The following MTMR8 variants were observed in gnomAD, a reference collection of about 807,000 sequenced individuals.
The protein encoded by MTMR8 is myotubularin related protein 8.
MTMR8 carries 65 observed loss-of-function variants against 39.3 expected under a neutral mutation model. That is an observed-to-expected ratio of 1.65 (90% confidence interval 1.35 to 2.03). MTMR8 has a LOEUF of 2.03. Ranked by LOEUF, MTMR8 falls within the 30% of genes most tolerant of loss-of-function variation. MTMR8 has a pLI of 0.00. For missense variants in MTMR8, 777 were observed against 538.9 expected (o/e 1.44, Z -4.37); for synonymous variants, 245 against 185.2 (o/e 1.32, Z -2.62).
In MTMR8 at chrX:64,359,471, A is replaced by T. The variant is rs1923719577; in HGVS notation, c.81T>A (p.Ile27=). The change falls in exon 2 of 14, where the codon ATT becomes ATA. Residue 27 remains isoleucine, a synonymous_variant. Transcript: ENST00000374852. ...RYVSKKPANG[I]LYLTATHLIY... The stretch of plus-strand genomic sequence containing the variant: ...TCAGGTGGGTTGCAGTAAGATAAAG[A>T]ATCCCATTAGCTGGTTTCTTACTCA... The T allele has an allele frequency of 8.3e-7, 1 of 1,207,012 alleles. No individual in the cohort carries two copies. The highest frequency in any genetic ancestry group is 1.1e-6 in the Non-Finnish European group (1 of 893,356).
At chrX:64,321,982 AT>A (rs1922659428) in intron 12 of MTMR8, among the ~76,000 whole-genome samples, 1 of 111,042 alleles carries the variant, frequency 9.0e-6, no homozygotes, top group South Asian at 3.7e-4. Context: ...ATGTTGAGCC[AT>A]TCTTGTATCC....
chrX:64,387,866 T>A (rs1924602862), intron 1 of MTMR8, among the ~76,000 whole-genome samples: 1 of 107,678 alleles, frequency 9.3e-6, no homozygotes, highest in Admixed American at 9.9e-5. Context: ...CAGAGAAAGA[T>A]GAAAAAAGAG....
At chrX:64,341,848 T>C (rs1923227757) in intron 8 of MTMR8, among the ~76,000 whole-genome samples, 1 of 112,273 alleles carries the variant, frequency 8.9e-6, no homozygotes, top group African/African-American at 3.2e-5. Context: ...CTATGGGGAA[T>C]GTTTACATTT....
intron 10 of MTMR8, among the ~76,000 whole-genome samples, chrX:64,335,126 A>G (rs984858517): frequency 1.8e-5 from 2 of 110,705 alleles, no homozygotes; most frequent in African/African-American, 6.6e-5. Context: ...TCCTTGGGGT[A>G]AAACTCAATT....
At chrX:64,296,760 G>A (rs760243117) in intron 12 of MTMR8, among the ~76,000 whole-genome samples, 10 of 96,888 alleles carry the variant, frequency 1.0e-4, no homozygotes, top group African/African-American at 3.9e-4. Flanking sequence ...TCCCCAGAGT[G>A]TGATATTCCC....
At chrX:64,298,920 G>A (rs1290624389) in intron 12 of MTMR8, among the ~76,000 whole-genome samples, 2 of 62,502 alleles carry the variant, frequency 3.2e-5, no homozygotes, top group Non-Finnish European at 5.1e-5. Flanking sequence ...TGCATCCCAG[G>A]GATGAAGCCC....
intron 1 of MTMR8, among the ~76,000 whole-genome samples, chrX:64,361,666 A>T (rs1187065270): frequency 9.0e-6 from 1 of 111,598 alleles, no homozygotes; most frequent in Non-Finnish European, 1.9e-5. Context: ...AACAAGGAAT[A>T]AAAGTAAACG....
chrX:64,381,523 G>A (rs1176231471), intron 1 of MTMR8, among the ~76,000 whole-genome samples: 1 of 107,371 alleles, frequency 9.3e-6, no homozygotes, highest in Non-Finnish European at 1.9e-5. Context: ...CAGATGGGTA[G>A]ATTGCAAAAA....
In MTMR8 at chrX:64,306,711, T is replaced by C. The variant is rs769859454; in HGVS notation, c.1481+22061A>G. The C allele has an allele frequency of 1.5e-4, 17 of 112,874 alleles. 1 individual carries two copies. The South Asian group carries it at 6.4e-3, about 42-fold the overall frequency. 9.3% of individuals were successfully genotyped at this position (112,874 alleles called of 1,213,427 possible). A position where few individuals can be genotyped will look rare whatever the true frequency, so the allele number is the denominator to read the frequency against. Reference sequence around the variant, plus strand: ...CTTTGTTCTCAAAATTCTTGAGCCATTGGCTGTCTAGTTTTTCATTGTCCA... The same window carrying C: ...CTTTGTTCTCAAAATTCTTGAGCCACTGGCTGTCTAGTTTTTCATTGTCCA... On this transcript the variant is annotated intron_variant, in intron 12 of 13. Coordinates refer to ENST00000374852, the MANE Select transcript of MTMR8 (RefSeq NM_017677.4).
At chrX:64,365,547 G>A (rs764795853) in intron 1 of MTMR8, among the ~76,000 whole-genome samples, 27 of 111,982 alleles carry the variant, frequency 2.4e-4, no homozygotes, top group Non-Finnish European at 3.4e-4. Flanking sequence ...ATCCTTTACA[G>A]ACAAGCAAAT....
chrX:64,303,133 T>G (rs1031136089), intron 12 of MTMR8, among the ~76,000 whole-genome samples: 2 of 112,650 alleles, frequency 1.8e-5, no homozygotes, highest in Admixed American at 1.9e-4. Context: ...ATTCAGCTTT[T>G]CAGTATCTTT....
intron 1 of MTMR8, among the ~76,000 whole-genome samples, chrX:64,377,810 CT>C (rs925240901): frequency 1.8e-5 from 2 of 111,972 alleles, no homozygotes; most frequent in African/African-American, 6.5e-5. Context: ...ATGATATGGT[CT>C]GGCTCTATGT....
chrX:64,327,531 G>C (rs911991537), intron 12 of MTMR8, among the ~76,000 whole-genome samples: 1 of 112,125 alleles, frequency 8.9e-6, no homozygotes, highest in African/African-American at 3.2e-5. Flanking sequence ...AACATATCAA[G>C]TGCTGACAAG....
rs1923585874 is a variant in MTMR8 at position 64,354,947 on chromosome X, GAT to G, written c.311-15_311-14del. ...TCTTCAGGTAATGCTGGAGAAGAGA[GAT>G]AGGCATGGAAAACAAAATGATGAAT... On this transcript the variant is annotated splice_polypyrimidine_tract_variant and intron_variant, in intron 3 of 13. Transcript: ENST00000374852. 1 of 1,157,010 alleles carries G rather than the reference GAT, an allele frequency of 8.6e-7. No individual in the cohort carries two copies. The highest frequency in any genetic ancestry group is 3.1e-5 in the East Asian group (1 of 32,360).
chrX:64,367,702 C>G (rs370933190), intron 1 of MTMR8, among the ~76,000 whole-genome samples: 78 of 111,636 alleles, frequency 7.0e-4, no homozygotes, highest in South Asian at 2.2e-3. Flanking sequence ...ACTGGCACAA[C>G]ACAGGGATGC....
At chrX:64,331,461 T>C (rs1922936525) in intron 11 of MTMR8, 96 bp downstream of exon 11, 7 of 782,873 alleles carry the variant, frequency 8.9e-6, no homozygotes, top group Non-Finnish European at 1.3e-5. Flanking sequence ...CTCCTCCCCT[T>C]TCTTGACTGC....
chrX:64,331,824 G>A lies in MTMR8; in HGVS notation c.1152-67C>T, dbSNP rs1922950620. Reference sequence around the variant, plus strand: ...ATTAAGGATTACACTGTTGGGAATAGGCTGTAAGAGGGTCATCTTTTGTCT... The same window carrying A: ...ATTAAGGATTACACTGTTGGGAATAAGCTGTAAGAGGGTCATCTTTTGTCT... On this transcript the variant is annotated intron_variant, in intron 10 of 13. Transcript: ENST00000374852. The A allele has an allele frequency of 1.1e-5, 10 of 920,586 alleles. No individual in the cohort carries two copies. The South Asian group carries it at 2.3e-4, about 21-fold the overall frequency. 75.9% of individuals were successfully genotyped at this position (920,586 alleles called of 1,213,427 possible). A position where few individuals can be genotyped will look rare whatever the true frequency, so the allele number is the denominator to read the frequency against.
chrX:64,356,089 CCT>C, intron 3 of MTMR8, 85 bp downstream of exon 3: 1 of 972,013 alleles, frequency 1.0e-6, no homozygotes, highest in Non-Finnish European at 1.4e-6. Flanking sequence ...TCCAAACCCT[CCT>C]CTGACTCCAT....
chrX:64,274,733 G>T (rs1225551225), intron 12 of MTMR8, among the ~76,000 whole-genome samples: 1 of 112,167 alleles, frequency 8.9e-6, no homozygotes, highest in Non-Finnish European at 1.9e-5. Flanking sequence ...CCTTAAAGAA[G>T]AAATAAATGC....
Sources: allele counts gnomAD v4.1 joint callset (sites outside exome capture counted in the v4.1 genomes callset), GRCh38; gene constraint gnomAD v4.1.1; transcripts MANE v1.5; gene names NCBI Gene and HGNC (gene_info 2026-07-23, HGNC 2026-07-21).